Variants in CAPN7 observed in about 807,000 individuals in gnomAD.
CAPN7 encodes calpain 7, also known as calpain-7.
In CAPN7, 72 loss-of-function variants were observed where a neutral mutation model predicts 115.2. The ratio of observed to expected loss-of-function variants is 0.63; its 90% CI spans 0.52 to 0.76. CAPN7 has a LOEUF of 0.76. Among genes scored for constraint, CAPN7 ranks in the 30% least tolerant of loss-of-function variants. The pLI, the probability that CAPN7 is intolerant of heterozygous loss-of-function variation, is 0.00. For synonymous variants in CAPN7, 344 were observed against 322.3 expected, an observed-to-expected ratio of 1.07 and a Z score of -0.72; for missense variants, 905 against 971.5, an observed-to-expected ratio of 0.93 and a Z score of 0.91.
chr3:15,232,684 G>A lies in CAPN7; in HGVS notation c.1179+19G>A, dbSNP rs772055607. On this transcript the variant is annotated intron_variant, in intron 10 of 20. Transcript: ENST00000253693. ...CAACTCCGTAAGTAATAGATAAGAC[G>A]ATCCAGACACAGATTTAAGCTATCT... 15 of 1,579,280 alleles carry A rather than the reference G, an allele frequency of 9.5e-6. No homozygotes were observed. The highest frequency in any genetic ancestry group is 2.3e-5 in the East Asian group (1 of 44,024).
intron 6 of CAPN7, among the ~76,000 whole-genome samples, chr3:15,225,925 G>T (rs1199625109): frequency 1.3e-5 from 2 of 152,096 alleles, no homozygotes; most frequent in Non-Finnish European, 2.9e-5. Context: ...ATGTTTTTAA[G>T]TTGGGTTAAC....
At chr3:15,236,438 G>C (rs1206160977) in intron 12 of CAPN7, among the ~76,000 whole-genome samples, 1 of 152,156 alleles carries the variant, frequency 6.6e-6, no homozygotes, top group Non-Finnish European at 1.5e-5. Context: ...CTTAATGAAG[G>C]ACCCTTGATA....
chr3:15,249,383 T>A (rs1013574569), intron 19 of CAPN7, among the ~76,000 whole-genome samples: 1 of 152,198 alleles, frequency 6.6e-6, no homozygotes, highest in Non-Finnish European at 1.5e-5. Context: ...TATTTGTGGA[T>A]ATTTTTCTCA....
At chr3:15,249,744 T>C (rs897160635) in intron 19 of CAPN7, among the ~76,000 whole-genome samples, 1 of 152,024 alleles carries the variant, frequency 6.6e-6, no homozygotes, top group African/African-American at 2.4e-5. Context: ...CATAGGCCTT[T>C]CCATTTGTTA....
At position 15,251,986 on chromosome 3, in the gene CAPN7, C is replaced by G. The variant is rs968980893; in HGVS notation, c.*726C>G. The G allele has an allele frequency of 6.6e-6, 1 of 152,404 alleles. No individual in the cohort carries two copies. The highest frequency in any genetic ancestry group is 2.4e-5 in the African/African-American group (1 of 41,432). The allele number at this position is 152,404 out of a possible 1,614,324, so 9.4% of individuals were successfully genotyped here. A position where few individuals can be genotyped will look rare whatever the true frequency, so the allele number is the denominator to read the frequency against. On this transcript the variant is annotated 3_prime_UTR_variant, in exon 21 of 21. Coordinates refer to ENST00000253693, the MANE Select transcript of CAPN7 (RefSeq NM_014296.3). ...AAAACAGTAATTGAGATATTGAAGA[C>G]ATTACAATTTAGTTTGTGTGGTCTT...
chr3:15,207,984 A>G (rs979368904), intron 1 of CAPN7, among the ~76,000 whole-genome samples: 1 of 152,158 alleles, frequency 6.6e-6, no homozygotes, highest in Non-Finnish European at 1.5e-5. Flanking sequence ...AGACTTTTAC[A>G]CCACTGGCAC....
At position 15,241,514 on chromosome 3, in the gene CAPN7, T is replaced by C; in HGVS notation, c.1714T>C (p.Tyr572His). ...CTATAGCCTGGCCAACAACCCCCAG[T>C]ACAAACTGGAGGTGCAGTGTCCACA... Reference protein sequence around the residue: ...DAYSLANNPQYKLEVQCPQGG... With the variant: ...DAYSLANNPQHKLEVQCPQGG... Residue 572 changes from tyrosine (Y) to histidine (H), a missense_variant, in exon 15 of 21, where the codon TAC becomes CAC. Tyr to His is a moderately conservative substitution (Grantham distance 83, BLOSUM62 2). Transcript: ENST00000253693. The C allele has an allele frequency of 6.2e-7, 1 of 1,614,136 alleles. No individual in the cohort carries two copies. The highest frequency in any genetic ancestry group is 8.5e-7 in the Non-Finnish European group (1 of 1,179,986).
At chr3:15,219,595 A>C (rs143605096) in intron 4 of CAPN7, among the ~76,000 whole-genome samples, 249 of 152,324 alleles carry the variant, frequency 1.6e-3, no homozygotes, top group African/African-American at 5.5e-3. Flanking sequence ...GTGCACCCTA[A>C]GCAAAGGGTG....
chr3:15,212,316 A>T, intron 2 of CAPN7, 104 bp downstream of exon 2: 1 of 627,428 alleles, frequency 1.6e-6, no homozygotes, highest in Non-Finnish European at 2.8e-6. Flanking sequence ...TTGAATCTTG[A>T]TGCTCACTCT....
intron 11 of CAPN7, among the ~76,000 whole-genome samples, chr3:15,234,493 A>G (rs1694876148): frequency 6.6e-6 from 1 of 152,170 alleles, no homozygotes; most frequent in Non-Finnish European, 1.5e-5. Context: ...GTTAATCCAA[A>G]TTGTAGATAA....
chr3:15,213,649 C>T (rs1043334402), intron 2 of CAPN7, among the ~76,000 whole-genome samples: 8 of 152,058 alleles, frequency 5.3e-5, no homozygotes, highest in African/African-American at 1.9e-4. Flanking sequence ...CTCTTTAAAC[C>T]CTTGAAATCC....
At chr3:15,238,380 C>T (rs1695129834) in intron 12 of CAPN7, among the ~76,000 whole-genome samples, 1 of 151,996 alleles carries the variant, frequency 6.6e-6, no homozygotes, top group Admixed American at 6.5e-5. Context: ...TCCCAAAGTG[C>T]TGGGATTACA....
intron 2 of CAPN7, among the ~76,000 whole-genome samples, chr3:15,214,062 A>G (rs1164930063): frequency 3.3e-5 from 5 of 151,928 alleles, no homozygotes; most frequent in Admixed American, 3.3e-4. Flanking sequence ...TTATATTTTT[A>G]GTAGAGACAG....
intron 9 of CAPN7, chr3:15,232,229 A>G (rs563023976): frequency 2.9e-6 from 1 of 340,000 alleles, no homozygotes; most frequent in African/African-American, 2.2e-5. Context: ...CAAATTTTAG[A>G]TTTTTTATTT....
chr3:15,245,990 T>G (rs1436600600), intron 17 of CAPN7: 1 of 182,328 alleles, frequency 5.5e-6, no homozygotes, highest in Non-Finnish European at 1.1e-5. Flanking sequence ...CAGGCTGGAG[T>G]GAGTGCATTA....
rs575997413 is a variant in CAPN7, at chr3:15,212,653, CT to C, written c.211+444del. ...TCTACTTTCAGACCTTTGCTAAACT[CT>C]TTAAAACCATATCTTGGGAAAGTGA... On this transcript the variant is annotated intron_variant, in intron 2 of 20. Coordinates refer to ENST00000253693, the MANE Select transcript of CAPN7 (RefSeq NM_014296.3). 2.6e-3 allele frequency among the ~76,000 whole-genome samples: 398 copies of C among 152,250 alleles called. 4 individuals are homozygous for C. Among genetic ancestry groups the C allele is most frequent in the African/African-American group, 9.1e-3 (378 of 41,548 alleles).
chr3:15,219,441 T>C (rs957536191), intron 4 of CAPN7, among the ~76,000 whole-genome samples: 1 of 152,228 alleles, frequency 6.6e-6, no homozygotes, highest in African/African-American at 2.4e-5. Flanking sequence ...TTCATTGTCA[T>C]CTACTAACTT....
At chr3:15,239,264 T>G (rs927863912) in intron 12 of CAPN7, among the ~76,000 whole-genome samples, 5 of 152,184 alleles carry the variant, frequency 3.3e-5, no homozygotes, top group African/African-American at 4.8e-5. Context: ...AAGGAATGTG[T>G]TGTTGTGGTT....
chr3:15,216,984 T>TC (rs1368317563), intron 2 of CAPN7, among the ~76,000 whole-genome samples: 12 of 151,622 alleles, frequency 7.9e-5, no homozygotes, highest in Admixed American at 1.3e-4. Flanking sequence ...ACACCTGTAA[T>TC]CCCATCACTT....
Sources: allele counts gnomAD v4.1 joint callset (sites outside exome capture counted in the v4.1 genomes callset), GRCh38; gene constraint gnomAD v4.1.1; transcripts MANE v1.5; gene names NCBI Gene and HGNC (gene_info 2026-07-23, HGNC 2026-07-21).